RALGAPA2: variants seen among roughly 807,000 people sequenced by gnomAD.
The protein encoded by RALGAPA2 is Ral GTPase activating protein catalytic subunit alpha 2.
RALGAPA2 carries 139 observed loss-of-function variants against 230.4 expected under a neutral mutation model. That is an observed-to-expected ratio of 0.60 (90% CI 0.53 to 0.69). RALGAPA2 has a LOEUF of 0.69. Ranked by LOEUF, RALGAPA2 falls within the 30% of genes least tolerant of loss-of-function variation. The pLI is 0.00. For missense variants in RALGAPA2, 2,163 were observed against 2,276.0 expected (o/e 0.95, Z 1.01); for synonymous variants, 847 against 837.8 (o/e 1.01, Z -0.19).
chr20:20,476,722 A>T (rs563181704), intron 36 of RALGAPA2, among the ~76,000 whole-genome samples: 12 of 125,830 alleles, frequency 9.5e-5, no homozygotes, highest in Non-Finnish European at 1.3e-4. Context: ...AATAAATAAA[A>T]GAAAATACAT....
intron 23 of RALGAPA2, among the ~76,000 whole-genome samples, chr20:20,548,803 C>T (rs2063842598): frequency 6.6e-6 from 1 of 152,184 alleles, no homozygotes; most frequent in Admixed American, 6.5e-5. Flanking sequence ...TCAGCACACA[C>T]CTGTAATTAC....
At position 20,503,339 on chromosome 20, in the gene RALGAPA2, G is replaced by A; in HGVS notation, c.5208+12C>T. On this transcript the variant is annotated intron_variant, in intron 35 of 39. Transcript: ENST00000202677. ...AGGGCAGCTAAGAATGGTGCCCGAG[G>A]AGACCCCTTACCTTTTTGGTGAGGG... 6.5e-7 allele frequency: 1 copy of A among 1,546,292 alleles called. No homozygotes were observed. Among genetic ancestry groups the A allele is most frequent in the Non-Finnish European group, 8.8e-7 (1 of 1,134,786 alleles).
intron 2 of RALGAPA2, among the ~76,000 whole-genome samples, chr20:20,676,808 CA>C (rs2068339506): frequency 6.6e-6 from 1 of 152,102 alleles, no homozygotes; most frequent in Admixed American, 6.5e-5. Context: ...GTGCTTGGCG[CA>C]TATCATTTAA....
chr20:20,576,075 T>A (rs2064809636), intron 20 of RALGAPA2, among the ~76,000 whole-genome samples: 1 of 152,140 alleles, frequency 6.6e-6, no homozygotes, highest in African/African-American at 2.4e-5. Context: ...TATTTGGTAA[T>A]TTTTTCCTGA....
intron 35 of RALGAPA2, among the ~76,000 whole-genome samples, chr20:20,496,894 C>T (rs1392551709): frequency 6.6e-6 from 1 of 152,132 alleles, no homozygotes; most frequent in Non-Finnish European, 1.5e-5. Flanking sequence ...GTGACCTGTG[C>T]CTATACCATT....
In RALGAPA2 at chr20:20,712,430, C is replaced by A; in HGVS notation, c.51G>T (p.Val17=). The change falls in exon 1 of 40, where the codon GTG becomes GTT. Residue 17 remains valine, a synonymous_variant. Transcript: ENST00000202677. The surrounding 1 kb of genome is among the most constrained non-coding windows in gnomAD (Gnocchi z 5.5). ...HGDVKKSTQK[V]LDPKKDVLTR... is the part of the protein sequence containing the mutation. ...TCAGCACGTCCTTCTTCGGGTCCAG[C>A]ACCTTCTGGGTGGACTTCTTCACAT... is the stretch of plus-strand genomic sequence containing the variant. 6.4e-7 allele frequency: 1 copy of A among 1,555,640 alleles called. No homozygotes were observed. Among genetic ancestry groups the A allele is most frequent in the Non-Finnish European group, 8.7e-7 (1 of 1,149,080 alleles).
intron 20 of RALGAPA2, among the ~76,000 whole-genome samples, chr20:20,576,109 T>G (rs2064810924): frequency 6.6e-6 from 1 of 152,172 alleles, no homozygotes; most frequent in East Asian, 1.9e-4. Context: ...AAATAAAATT[T>G]ATTTTTTAAG....
At chr20:20,550,990 C>A (rs999522836) in intron 23 of RALGAPA2, among the ~76,000 whole-genome samples, 1 of 152,122 alleles carries the variant, frequency 6.6e-6, no homozygotes, top group African/African-American at 2.4e-5. Flanking sequence ...CACAAACAAG[C>A]CTCTTAGATC....
chr20:20,416,870 T>C (rs1361920848), intron 37 of RALGAPA2, among the ~76,000 whole-genome samples: 6 of 151,968 alleles, frequency 3.9e-5, no homozygotes, highest in African/African-American at 1.5e-4. Flanking sequence ...TTCCCAAGAG[T>C]GGACATGACG....
intron 35 of RALGAPA2, 32 bp from the exon 36 acceptor site, chr20:20,495,307 G>A (rs1466548636): frequency 6.8e-7 from 1 of 1,471,256 alleles, no homozygotes; most frequent in South Asian, 1.5e-5. Context: ...TTATTAATCA[G>A]GGTGATAACA....
chr20:20,663,235 G>A (rs990797752), intron 3 of RALGAPA2, among the ~76,000 whole-genome samples: 2 of 152,120 alleles, frequency 1.3e-5, no homozygotes, highest in African/African-American at 4.8e-5. Flanking sequence ...AGATAAAAGA[G>A]CACCAGCACA....
intron 31 of RALGAPA2, among the ~76,000 whole-genome samples, chr20:20,519,468 A>G (rs2062973459): frequency 6.6e-6 from 1 of 152,148 alleles, no homozygotes; most frequent in South Asian, 2.1e-4. Context: ...TCACAAAAGG[A>G]GTCTGACTCA....
chr20:20,642,986 T>G (rs1568693018), intron 5 of RALGAPA2, among the ~76,000 whole-genome samples: 1 of 152,220 alleles, frequency 6.6e-6, no homozygotes, highest in African/African-American at 2.4e-5. Context: ...AAAAGACATA[T>G]CCATTTCAAA....
At chr20:20,701,868 C>A (rs187785613) in intron 1 of RALGAPA2, among the ~76,000 whole-genome samples, 30 of 151,870 alleles carry the variant, frequency 2.0e-4, no homozygotes, top group Admixed American at 1.6e-3. Flanking sequence ...GGTGAAACCC[C>A]GTCTCTACTA....
chr20:20,491,005 G>C (rs1159798493), intron 36 of RALGAPA2, among the ~76,000 whole-genome samples: 3 of 151,822 alleles, frequency 2.0e-5, no homozygotes, highest in African/African-American at 7.3e-5. Flanking sequence ...CGGGCAGCTA[G>C]GAACAAGAGG....
In RALGAPA2 at chr20:20,389,945, A is replaced by G. The variant is rs1244261659; in HGVS notation, c.*3344T>C. 6.6e-6 allele frequency: 1 copy of G among 152,182 alleles called. No homozygotes were observed. Among genetic ancestry groups the G allele is most frequent in the East Asian group, 1.9e-4 (1 of 5,208 alleles). The allele number at this position is 152,182 out of a possible 1,614,324, so 9.4% of individuals were successfully genotyped here. A position where few individuals can be genotyped will look rare whatever the true frequency, so the allele number is the denominator to read the frequency against. On this transcript the variant is annotated 3_prime_UTR_variant, in exon 40 of 40. Transcript: ENST00000202677. Reference sequence around the variant, plus strand: ...ATGTACTAAACATTGTAGACCTGAAAACATAAGGAAACATTCACTTCATGT... The same window carrying G: ...ATGTACTAAACATTGTAGACCTGAAGACATAAGGAAACATTCACTTCATGT...
intron 37 of RALGAPA2, among the ~76,000 whole-genome samples, chr20:20,438,284 T>A (rs767950466): frequency 6.6e-6 from 1 of 152,240 alleles, no homozygotes; most frequent in Non-Finnish European, 1.5e-5. Flanking sequence ...ATTATAATGA[T>A]TATTGGACCT....
At chr20:20,478,554 T>C (rs868376671) in intron 36 of RALGAPA2, among the ~76,000 whole-genome samples, 3 of 151,184 alleles carry the variant, frequency 2.0e-5, no homozygotes, top group South Asian at 4.2e-4. Flanking sequence ...GAGGCCATTA[T>C]CCTAAGCAAA....
intron 2 of RALGAPA2, among the ~76,000 whole-genome samples, chr20:20,678,780 G>A (rs1251383624): frequency 3.3e-5 from 5 of 151,952 alleles, no homozygotes; most frequent in Admixed American, 1.3e-4. Context: ...ACAGCTCACC[G>A]CCCTGTGACT....
Sources: allele counts gnomAD v4.1 joint callset (sites outside exome capture counted in the v4.1 genomes callset), GRCh38; gene constraint gnomAD v4.1.1; non-coding constraint Gnocchi (gnomAD v3.1); transcripts MANE v1.5; gene names NCBI Gene and HGNC (gene_info 2026-07-23, HGNC 2026-07-21).